DENND5B: variants seen among roughly 807,000 people sequenced by gnomAD.
The protein encoded by DENND5B is DENN domain containing 5B, also known as DENN domain-containing protein 5B.
Under a neutral mutation model 140.6 loss-of-function variants are expected in DENND5B, and 34 were observed. That is an observed-to-expected ratio of 0.24 (90% CI 0.18 to 0.32). The LOEUF is 0.32. Among genes scored for constraint, DENND5B ranks in the 10% least tolerant of loss-of-function variants. The pLI, the probability that DENND5B is intolerant of heterozygous loss-of-function variation, is 1.00. For missense variants in DENND5B, 1,142 were observed against 1,560.2 expected (o/e 0.73, Z 4.52); for synonymous variants, 551 against 562.1 (o/e 0.98, Z 0.28).
chr12:31,576,899 T>TA (rs11320234), intron 1 of DENND5B, among the ~76,000 whole-genome samples: 123 of 148,790 alleles, frequency 8.3e-4, no homozygotes, highest in African/African-American at 2.4e-3. Context: ...ACCTTATTTC[T>TA]AAAAAAAAAA....
At chr12:31,492,486 A>AC (rs2138698466) in intron 2 of DENND5B, among the ~76,000 whole-genome samples, 1 of 152,278 alleles carries the variant, frequency 6.6e-6, no homozygotes, top group Admixed American at 6.5e-5. Flanking sequence ...GCATGGTGCC[A>AC]CCACACCCAG....
At chr12:31,459,073 G>A (rs986596870) in intron 4 of DENND5B, among the ~76,000 whole-genome samples, 4 of 151,954 alleles carry the variant, frequency 2.6e-5, no homozygotes, top group Admixed American at 6.6e-5. Context: ...TTAGCTGGGC[G>A]TGGTGGTGCA....
intron 1 of DENND5B, among the ~76,000 whole-genome samples, chr12:31,562,876 T>C (rs1004260741): frequency 1.3e-5 from 2 of 152,118 alleles, no homozygotes; most frequent in Non-Finnish European, 2.9e-5. Flanking sequence ...AGGTGACTTG[T>C]ACAAAATGAA....
At chr12:31,445,708 A>G (rs543473503) in intron 6 of DENND5B, among the ~76,000 whole-genome samples, 3,093 of 146,422 alleles carry the variant, frequency 0.021, 56 homozygotes, top group South Asian at 0.055. Context: ...GTTTCAAAAA[A>G]AAAAAGGGTG....
At chr12:31,510,047 C>T (rs1947351063) in intron 1 of DENND5B, among the ~76,000 whole-genome samples, 2 of 152,156 alleles carry the variant, frequency 1.3e-5, no homozygotes, top group Non-Finnish European at 1.5e-5. Flanking sequence ...ACGTGCAGTT[C>T]CCTTTTAAGT....
Position 31,433,269 on chromosome 12 carries a change from A to T in DENND5B, c.2013-21T>A, listed in dbSNP as rs191330293. The T allele has an allele frequency of 1.7e-5, 27 of 1,602,690 alleles. No homozygotes were observed. The Middle Eastern group carries it at 5.0e-4, about 29-fold the overall frequency. ...AGCGACTGAAACAATCAAATTATTT[A>T]AAAATGTGTTCCTTATCTTTAAAAT... On this transcript the variant is annotated intron_variant, in intron 7 of 20. Transcript: ENST00000389082.
At chr12:31,471,038 AT>A (rs139626950) in intron 3 of DENND5B, among the ~76,000 whole-genome samples, 1 of 152,346 alleles carries the variant, frequency 6.6e-6, no homozygotes, top group African/African-American at 2.4e-5. Flanking sequence ...AAAGTTAAAT[AT>A]AAAATCCCTT....
chr12:31,573,311 A>G (rs545906618), intron 1 of DENND5B, among the ~76,000 whole-genome samples: 79 of 152,336 alleles, frequency 5.2e-4, no homozygotes, highest in Middle Eastern at 3.4e-3. Flanking sequence ...TCTACATTTG[A>G]AAAAAACACC....
At position 31,382,906 on chromosome 12, in the gene DENND5B, T is replaced by C. The variant is rs1940693139; in HGVS notation, c.*4697A>G. ...TGATTCAAGGGATTTATAAATTTAT[T>C]TTAATAGGAATAAAGGACCTAGTAG... is the stretch of plus-strand genomic sequence containing the variant. On this transcript the variant is annotated 3_prime_UTR_variant, in exon 21 of 21. Coordinates refer to ENST00000389082, the MANE Select transcript of DENND5B (RefSeq NM_144973.4). 1 of 152,154 alleles carries C rather than the reference T, an allele frequency of 6.6e-6. No individual in the cohort carries two copies. The highest frequency in any genetic ancestry group is 2.4e-5 in the African/African-American group (1 of 41,448). The allele number at this position is 152,154 out of a possible 1,614,324, so 9.4% of individuals were successfully genotyped here. A position where few individuals can be genotyped will look rare whatever the true frequency, so the allele number is the denominator to read the frequency against.
chr12:31,395,333 C>A (rs955972572), intron 17 of DENND5B, among the ~76,000 whole-genome samples: 1 of 152,306 alleles, frequency 6.6e-6, no homozygotes, highest in Middle Eastern at 3.4e-3. Flanking sequence ...GTGGCTCACG[C>A]CTGCAATCCC....
intron 11 of DENND5B, among the ~76,000 whole-genome samples, chr12:31,416,263 T>C (rs887798597): frequency 6.6e-6 from 1 of 151,744 alleles, no homozygotes; most frequent in East Asian, 1.9e-4. Flanking sequence ...CTTTTTTTTG[T>C]ATTTTTTTTT....
chr12:31,546,627 A>G (rs1411911549), intron 1 of DENND5B, among the ~76,000 whole-genome samples: 1 of 152,198 alleles, frequency 6.6e-6, no homozygotes, highest in African/African-American at 2.4e-5. Context: ...CAGATGTTGT[A>G]GTGAGCCGAG....
intron 7 of DENND5B, among the ~76,000 whole-genome samples, chr12:31,441,523 G>A (rs1295017493): frequency 6.7e-6 from 1 of 149,654 alleles, no homozygotes; most frequent in Non-Finnish European, 1.5e-5. Context: ...TCGCTGTGTT[G>A]CCCAGGCTGG....
At chr12:31,434,278 T>C (rs1483247600) in intron 7 of DENND5B, among the ~76,000 whole-genome samples, 3 of 152,188 alleles carry the variant, frequency 2.0e-5, no homozygotes, top group Non-Finnish European at 4.4e-5. Flanking sequence ...TTATATCACT[T>C]CTCCCCTAAT....
intron 1 of DENND5B, among the ~76,000 whole-genome samples, chr12:31,585,104 C>T (rs903239814): frequency 1.3e-5 from 2 of 152,108 alleles, no homozygotes; most frequent in Non-Finnish European, 2.9e-5. Flanking sequence ...AAGCCATTAA[C>T]GAGGGATCTG....
intron 1 of DENND5B, among the ~76,000 whole-genome samples, chr12:31,523,065 T>C (rs917180618): frequency 2.0e-5 from 3 of 151,514 alleles, no homozygotes; most frequent in East Asian, 1.9e-4. Flanking sequence ...TTTTCCTTTT[T>C]TTTTTTTTTT....
intron 3 of DENND5B, among the ~76,000 whole-genome samples, chr12:31,468,842 T>C (rs986263083): frequency 2.0e-5 from 3 of 151,524 alleles, no homozygotes; most frequent in African/African-American, 7.3e-5. Flanking sequence ...GGAAGTAATA[T>C]AATTGACAAA....
chr12:31,413,388 A>G (rs779553815), intron 13 of DENND5B, 48 bp downstream of exon 13: 12 of 1,582,116 alleles, frequency 7.6e-6, no homozygotes, highest in Non-Finnish European at 9.5e-6. Context: ...CTTGTTTTGT[A>G]TGCACATGGA....
intron 9 of DENND5B, 27 bp downstream of exon 9, chr12:31,426,264 ACT>A: frequency 6.3e-7 from 1 of 1,590,492 alleles, no homozygotes; most frequent in Non-Finnish European, 8.6e-7. Context: ...ATGAATGCAC[ACT>A]GTCTGGCATC....
Sources: gnomAD v4.1 joint callset for allele counts (sites outside exome capture counted in the v4.1 genomes callset) on GRCh38, gnomAD v4.1.1 for gene constraint, MANE v1.5 for transcripts, NCBI Gene and HGNC (gene_info 2026-07-23, HGNC 2026-07-21) for gene names.